The following POLA1 variants were observed in gnomAD, a reference collection of about 807,000 sequenced individuals.
POLA1 encodes the protein DNA polymerase alpha catalytic subunit.
A neutral mutation model predicts 124.0 loss-of-function variants in POLA1; 15 were observed. The observed-to-expected ratio is 0.12, with a 90% CI of 0.08 to 0.19. The LOEUF (loss-of-function observed/expected upper bound fraction) is 0.19. Ranked by LOEUF, POLA1 falls within the 10% of genes least tolerant of loss-of-function variation. The pLI is 1.00. For synonymous variants in POLA1, 408 were observed against 389.4 expected, an observed-to-expected ratio of 1.05 and a Z score of -0.56; for missense variants, 886 against 1,103.4, an observed-to-expected ratio of 0.80 and a Z score of 2.79.
At chrX:24,870,624 T>C (rs2046852105) in intron 34 of POLA1, among the ~76,000 whole-genome samples, 1 of 111,912 alleles carries the variant, frequency 8.9e-6, no homozygotes, top group Admixed American at 9.5e-5. Flanking sequence ...TCAAATTCTT[T>C]AGTTTTATTA....
intron 36 of POLA1, among the ~76,000 whole-genome samples, chrX:24,960,197 A>G (rs968343413): frequency 8.9e-6 from 1 of 111,913 alleles, no homozygotes; most frequent in Admixed American, 9.5e-5. Flanking sequence ...ATATTTCAAT[A>G]GTTGTTAGAC....
At chrX:24,863,734 C>T (rs1191377217) in intron 34 of POLA1, among the ~76,000 whole-genome samples, 2 of 111,355 alleles carry the variant, frequency 1.8e-5, no homozygotes, top group African/African-American at 6.5e-5. Context: ...ATTAATGGTG[C>T]TCCCGCAGTC....
chrX:24,878,292 C>T, intron 34 of POLA1, among the ~76,000 whole-genome samples: 1 of 111,830 alleles, frequency 8.9e-6, no homozygotes, highest in Non-Finnish European at 1.9e-5. Context: ...TACCCAAAGG[C>T]ATATCACTTG....
intron 26 of POLA1, among the ~76,000 whole-genome samples, chrX:24,801,924 G>GGTGGGTGT (rs1555994716): frequency 4.2e-4 from 31 of 74,544 alleles, no homozygotes; most frequent in South Asian, 9.0e-4. Flanking sequence ...GAGGTGGGTG[G>GGTGGGTGT]GTGTGTGTGT....
In POLA1 at chrX:24,716,426, C is replaced by T. The variant is rs140202293; in HGVS notation, c.590C>T (p.Pro197Leu). 5.8e-5 allele frequency: 67 copies of T among 1,161,038 alleles called. No individual in the cohort carries two copies. The highest frequency in any genetic ancestry group is 1.1e-4 in the African/African-American group (6 of 56,334). The change falls in exon 7 of 37, where the codon CCG (proline) becomes CTG (leucine). Residue 197 changes from proline (P) to leucine (L), a missense_variant. Pro to Leu is a moderately conservative substitution (Grantham distance 98). Around this residue, in one of 7 missense-constraint regions of POLA1, gnomAD observed 337 missense variants for 402.8 expected, o/e 0.84. Transcript: ENST00000379068. ...LKKKRSIGAS[P>L]NPFSVHTATA... is the part of the protein sequence containing the mutation. The stretch of plus-strand genomic sequence containing the variant: ...AAGAAAAGATCCATTGGAGCTTCAC[C>T]GAATCCTTTCTCTGTGCACACCGCC...
chrX:24,716,412 C>A lies in POLA1; in HGVS notation c.576C>A (p.Ser192=). Residue 192 remains serine, a synonymous_variant, in exon 7 of 37, where the codon TCC becomes TCA. Transcript: ENST00000379068. ...PPVMILKKKR[S]IGASPNPFSV... ...TAATGATACTGAAGAAGAAAAGATC[C>A]ATTGGAGCTTCACCGAATCCTTTCT... 8.4e-7 allele frequency: 1 copy of A among 1,185,107 alleles called. No homozygotes were observed. The highest frequency in any genetic ancestry group is 1.1e-6 in the Non-Finnish European group (1 of 871,210).
At chrX:24,937,847 C>T (rs1444937699) in intron 36 of POLA1, among the ~76,000 whole-genome samples, 1 of 112,353 alleles carries the variant, frequency 8.9e-6, no homozygotes, top group Non-Finnish European at 1.9e-5. Flanking sequence ...TTGATTAGGG[C>T]CGTCCTTTTG....
intron 35 of POLA1, among the ~76,000 whole-genome samples, chrX:24,920,299 G>A (rs2047598640): frequency 8.9e-6 from 1 of 111,919 alleles, no homozygotes; most frequent in South Asian, 3.8e-4. Context: ...TGGAAAGCTT[G>A]TCTATTTGGC....
chrX:24,709,790 T>G, intron 4 of POLA1, among the ~76,000 whole-genome samples: 4 of 39,981 alleles, frequency 1.0e-4, no homozygotes, highest in East Asian at 1.6e-3. Flanking sequence ...TCTCAGACGA[T>G]GGGCGGCCGG....
chrX:24,921,669 T>C (rs2047617371), intron 35 of POLA1, among the ~76,000 whole-genome samples: 1 of 112,359 alleles, frequency 8.9e-6, no homozygotes, highest in Admixed American at 9.4e-5. Flanking sequence ...CGTTTCCATA[T>C]GAAGCAGAAC....
intron 1 of POLA1, among the ~76,000 whole-genome samples, chrX:24,694,773 A>G (rs111744092): frequency 8.9e-5 from 10 of 112,760 alleles, no homozygotes; most frequent in African/African-American, 2.9e-4. Context: ...ACTTAAAATC[A>G]GATGCTTCAC....
intron 19 of POLA1, 102 bp from the exon 20 acceptor site, chrX:24,739,273 A>G: frequency 1.9e-6 from 1 of 538,725 alleles, no homozygotes; most frequent in East Asian, 3.4e-5. Context: ...TGGAAGAATG[A>G]GAGTTTTATC....
At chrX:24,945,318 G>A (rs1023433790) in intron 36 of POLA1, among the ~76,000 whole-genome samples, 6 of 112,367 alleles carry the variant, frequency 5.3e-5, no homozygotes, top group African/African-American at 1.6e-4. Context: ...CTGTATTTGA[G>A]TTGGTTTCTG....
intron 34 of POLA1, among the ~76,000 whole-genome samples, chrX:24,869,181 G>A (rs1346739139): frequency 8.9e-6 from 1 of 112,432 alleles, no homozygotes; most frequent in Non-Finnish European, 1.9e-5. Flanking sequence ...CGATCCTCCC[G>A]CCTTGGCCTC....
intron 30 of POLA1, among the ~76,000 whole-genome samples, chrX:24,820,449 C>T (rs1195105286): frequency 9.0e-6 from 1 of 111,510 alleles, no homozygotes; most frequent in East Asian, 2.8e-4. Flanking sequence ...GCTGGGTATC[C>T]CCCTCCTTTT....
chrX:24,968,266 C>T (rs2048248920), intron 36 of POLA1, among the ~76,000 whole-genome samples: 1 of 111,611 alleles, frequency 9.0e-6, no homozygotes, highest in South Asian at 3.8e-4. Flanking sequence ...TCCCATTAAC[C>T]ATCATGTTGA....
intron 35 of POLA1, among the ~76,000 whole-genome samples, chrX:24,889,442 C>G (rs1041878327): frequency 4.5e-5 from 5 of 112,154 alleles, no homozygotes; most frequent in Admixed American, 1.9e-4. Context: ...TATTGCAGAT[C>G]TTTTCAGAAC....
chrX:24,834,593 A>ATG (rs1371688968), intron 32 of POLA1, among the ~76,000 whole-genome samples: 11 of 111,763 alleles, frequency 9.8e-5, no homozygotes, highest in Non-Finnish European at 1.7e-4. Flanking sequence ...CCAACAGAAC[A>ATG]GGGTGAAACC....
At chrX:24,850,385 G>A (rs1400508986) in intron 34 of POLA1, among the ~76,000 whole-genome samples, 1 of 112,384 alleles carries the variant, frequency 8.9e-6, no homozygotes, top group African/African-American at 3.2e-5. Flanking sequence ...ATGGTATATA[G>A]TATTAATTGT....
Sources: gnomAD v4.1 joint callset for allele counts (sites outside exome capture counted in the v4.1 genomes callset) on GRCh38, gnomAD v4.1.1 for gene constraint, gnomAD v4.1.1 regional missense constraint, MANE v1.5 for transcripts, NCBI Gene and HGNC (gene_info 2026-07-23, HGNC 2026-07-21) for gene names.